The following GRIN2A variants were observed in gnomAD, a reference collection of about 807,000 sequenced individuals.
GRIN2A encodes the protein glutamate ionotropic receptor NMDA type subunit 2A, also known as glutamate receptor ionotropic, NMDA 2A.
GRIN2A carries 22 observed loss-of-function variants against 113.4 expected under a neutral mutation model. That is an observed-to-expected ratio of 0.19 (90% CI 0.14 to 0.28). GRIN2A has a LOEUF of 0.28. GRIN2A is among the 10% of genes least tolerant of loss of function. The pLI, the probability that GRIN2A is intolerant of heterozygous loss-of-function variation, is 1.00. For missense variants in GRIN2A, 1,502 were observed against 1,887.0 expected (o/e 0.80, Z 3.78); for synonymous variants, 827 against 738.4 (o/e 1.12, Z -1.94).
At chr16:10,016,215 C>T (rs1473230466) in intron 2 of GRIN2A, among the ~76,000 whole-genome samples, 1 of 151,694 alleles carries the variant, frequency 6.6e-6, no homozygotes, top group African/African-American at 2.4e-5. Flanking sequence ...CCTAATTCAG[C>T]CTGCAATGGT....
chr16:9,880,825 G>A (rs992098047), intron 4 of GRIN2A, among the ~76,000 whole-genome samples: 4 of 152,054 alleles, frequency 2.6e-5, no homozygotes, highest in Non-Finnish European at 5.9e-5. Context: ...CCATACAAAC[G>A]CCCTTGATTC....
chr16:9,891,564 A>G (rs8047589), intron 3 of GRIN2A, among the ~76,000 whole-genome samples: 105,063 of 152,116 alleles, frequency 0.69, 37,983 homozygotes, highest in African/African-American at 0.89. Context: ...AAATGAACAT[A>G]ATTCCCACCC....
intron 2 of GRIN2A, among the ~76,000 whole-genome samples, chr16:10,087,159 A>C (rs1208936939): frequency 6.6e-6 from 1 of 152,224 alleles, no homozygotes; most frequent in Non-Finnish European, 1.5e-5. Context: ...CACTGGGGAG[A>C]AAGTTAACCT....
intron 2 of GRIN2A, among the ~76,000 whole-genome samples, chr16:10,049,040 G>C (rs919597135): frequency 6.6e-6 from 1 of 152,122 alleles, no homozygotes; most frequent in Non-Finnish European, 1.5e-5. Context: ...TATTCCAAAA[G>C]AGAGCCAGAG....
intron 2 of GRIN2A, among the ~76,000 whole-genome samples, chr16:10,027,962 T>C (rs1356700784): frequency 6.6e-6 from 1 of 152,176 alleles, no homozygotes; most frequent in Non-Finnish European, 1.5e-5. Context: ...AGGGAACCTC[T>C]CCTACATCCA....
At chr16:9,874,540 A>G (rs1167563709) in intron 4 of GRIN2A, among the ~76,000 whole-genome samples, 1 of 152,232 alleles carries the variant, frequency 6.6e-6, no homozygotes, top group Non-Finnish European at 1.5e-5. Flanking sequence ...GGGACCCCCA[A>G]CATGAGTTTT....
At chr16:9,959,752 T>A (rs1596363684) in intron 2 of GRIN2A, among the ~76,000 whole-genome samples, 3 of 152,320 alleles carry the variant, frequency 2.0e-5, no homozygotes, top group African/African-American at 7.2e-5. Context: ...GGTGGGTATA[T>A]CACCTGAGGT....
intron 5 of GRIN2A, among the ~76,000 whole-genome samples, chr16:9,849,154 T>C (rs978541855): frequency 7.5e-6 from 1 of 133,650 alleles, no homozygotes; most frequent in African/African-American, 2.7e-5. Context: ...TTTTATATAT[T>C]TAAATATATA....
intron 3 of GRIN2A, among the ~76,000 whole-genome samples, chr16:9,905,634 T>A (rs574207061): frequency 6.6e-6 from 1 of 152,316 alleles, no homozygotes; most frequent in African/African-American, 2.4e-5. Context: ...CGGGACTGCA[T>A]CCCTTCTGGG....
chr16:9,853,724 A>C (rs8063193), intron 4 of GRIN2A, among the ~76,000 whole-genome samples: 46,184 of 151,856 alleles, frequency 0.3, 7,179 homozygotes, highest in African/African-American at 0.34. Context: ...TGCCTACTCC[A>C]ATTTTTTTTT....
At chr16:9,781,200 A>C (rs1160070087) in intron 11 of GRIN2A, among the ~76,000 whole-genome samples, 1 of 152,184 alleles carries the variant, frequency 6.6e-6, no homozygotes, top group Non-Finnish European at 1.5e-5. Flanking sequence ...TTCTGATTTA[A>C]CCAATCAAAA....
At chr16:10,008,963 A>T in intron 2 of GRIN2A, among the ~76,000 whole-genome samples, 1 of 152,226 alleles carries the variant, frequency 6.6e-6, no homozygotes, top group Non-Finnish European at 1.5e-5. Flanking sequence ...ATTTAGCAGT[A>T]AACAAAACAA....
rs1193936731 is a variant in GRIN2A at position 9,858,698 on chromosome 16, AT to A, written c.1123-8738del. The stretch of plus-strand genomic sequence containing the variant: ...TAATTGCTCTTCAGCTCCTAGAAAG[AT>A]TTTTTTTAAAGGGCAGTGATTACTT... On this transcript the variant is annotated intron_variant, in intron 4 of 12. Coordinates refer to ENST00000330684, the MANE Select transcript of GRIN2A (RefSeq NM_001134407.3). 3.3e-5 allele frequency among the ~76,000 whole-genome samples: 5 copies of A among 152,160 alleles called. No homozygotes were observed. The East Asian group carries it at 7.7e-4, about 23-fold the overall frequency.
intron 2 of GRIN2A, among the ~76,000 whole-genome samples, chr16:10,166,700 T>C (rs1315239450): frequency 6.6e-6 from 1 of 152,194 alleles, no homozygotes; most frequent in African/African-American, 2.4e-5. Context: ...AAGAAATGTA[T>C]GAAGAATGAA....
Position 10,043,906 on chromosome 16 carries a change from T to C in GRIN2A, c.415-105355A>G, listed in dbSNP as rs553096304. The stretch of plus-strand genomic sequence containing the variant: ...ACACACACATATATATATACACACA[T>C]ATATATACACGTATAAATATGTGTG... On this transcript the variant is annotated intron_variant, in intron 2 of 12. Coordinates refer to ENST00000330684, the MANE Select transcript of GRIN2A (RefSeq NM_001134407.3). Among the ~76,000 whole-genome samples, 19 of 151,328 alleles carry C rather than the reference T, an allele frequency of 1.3e-4. No individual in the cohort carries two copies. In the South Asian group the frequency reaches 3.8e-3, roughly 30 times the overall value.
chr16:9,767,357 G>A (rs1406325905), intron 12 of GRIN2A, among the ~76,000 whole-genome samples: 2 of 152,126 alleles, frequency 1.3e-5, no homozygotes, highest in South Asian at 2.1e-4. Flanking sequence ...AAAGCAATTA[G>A]TTAGCTTTCT....
Position 9,947,409 on chromosome 16 carries a change from T to G in GRIN2A, c.415-8858A>C, listed in dbSNP as rs61576762. On this transcript the variant is annotated intron_variant, in intron 2 of 12. Coordinates refer to ENST00000330684, the MANE Select transcript of GRIN2A (RefSeq NM_001134407.3). The stretch of plus-strand genomic sequence containing the variant: ...AGAAAAAGCAAACCAGTCCCGTTCA[T>G]TAAGTTTTCGTCTCCGGCTATCATA... 6.0e-3 allele frequency among the ~76,000 whole-genome samples: 910 copies of G among 152,344 alleles called. 12 individuals are homozygous for G. The highest frequency in any genetic ancestry group is 0.02 in the African/African-American group (849 of 41,576).
intron 2 of GRIN2A, among the ~76,000 whole-genome samples, chr16:10,136,939 A>T (rs1215231424): frequency 6.6e-6 from 1 of 152,196 alleles, no homozygotes; most frequent in Non-Finnish European, 1.5e-5. Flanking sequence ...TAAATGGTAA[A>T]TTTTAAATTA....
chr16:10,069,360 C>T (rs1234143503), intron 2 of GRIN2A, among the ~76,000 whole-genome samples: 1 of 152,142 alleles, frequency 6.6e-6, no homozygotes, highest in Non-Finnish European at 1.5e-5. Context: ...GGCTGGGCAG[C>T]CAAGGTTAAA....
Sources: allele counts gnomAD v4.1 joint callset (sites outside exome capture counted in the v4.1 genomes callset), GRCh38; gene constraint gnomAD v4.1.1; transcripts MANE v1.5; gene names NCBI Gene and HGNC (gene_info 2026-07-23, HGNC 2026-07-21).